Variants in NELFE observed in about 807,000 individuals in gnomAD.
NELFE encodes the protein negative elongation factor complex member E.
NELFE carries 26 observed loss-of-function variants against 55.5 expected under a neutral mutation model. The observed-to-expected ratio is 0.47, with a 90% CI of 0.34 to 0.65. The LOEUF (loss-of-function observed/expected upper bound fraction) is 0.65. NELFE is among the 30% of genes least tolerant of loss of function. The pLI is 0.01. For synonymous variants in NELFE, 162 were observed against 178.0 expected (o/e 0.91, Z 0.72); for missense variants, 403 against 506.9 (o/e 0.80, Z 1.97).
chr6:31,953,718 C>A lies in NELFE; in HGVS notation c.1045+11G>T, dbSNP rs1381085078. On this transcript the variant is annotated intron_variant, in intron 10 of 10. Coordinates refer to ENST00000375429, the MANE Select transcript of NELFE (RefSeq NM_002904.6). ...GGGGAGAGGATGGGAAAGGAAGAATCCCATTCTTACCGAGGGAGCCCCAGA... is the reference window on the plus strand; with the variant it reads ...GGGGAGAGGATGGGAAAGGAAGAATACCATTCTTACCGAGGGAGCCCCAGA... 1.9e-6 allele frequency: 3 copies of A among 1,603,752 alleles called. No individual in the cohort carries two copies. Among genetic ancestry groups the A allele is most frequent in the Non-Finnish European group, 1.7e-6 (2 of 1,171,602 alleles).
chr6:31,956,558 A>G (rs1452102603), intron 4 of NELFE, 135 bp downstream of exon 4: 41 of 954,924 alleles, frequency 4.3e-5, no homozygotes, highest in Non-Finnish European at 6.0e-5. Flanking sequence ...TAGTTTTTTC[A>G]TTTTATACAT....
intron 2 of NELFE, chr6:31,957,241 T>C (rs1041440852): frequency 1.1e-5 from 7 of 610,294 alleles, no homozygotes; most frequent in Middle Eastern, 2.5e-4. Flanking sequence ...GTTACATTTT[T>C]GAAGTTGAAG....
At chr6:31,952,893 C>A (rs1771852570) in intron 10 of NELFE, among the ~76,000 whole-genome samples, 1 of 152,132 alleles carries the variant, frequency 6.6e-6, no homozygotes, top group African/African-American at 2.4e-5. Flanking sequence ...GTAGCTTTGG[C>A]CCTCACCATT....
At chr6:31,957,127 G>T in intron 2 of NELFE, 117 bp from the exon 3 acceptor site, 1 of 843,716 alleles carries the variant, frequency 1.2e-6, no homozygotes, top group Non-Finnish European at 1.9e-6. Context: ...CCTCAGAGTG[G>T]TACACTGATG....
rs1771924073 is a variant in NELFE at position 31,954,140 on chromosome 6, A to G, written c.888-6T>C. On this transcript the variant is annotated splice_polypyrimidine_tract_variant and splice_region_variant and intron_variant, in intron 8 of 10. Transcript: ENST00000375429. The surrounding 1 kb of genome is among the most constrained non-coding windows in gnomAD (Gnocchi z 5.5). ...CATAGGTGACGAAGGCACAGCTGGGATAAGAGAAAACACGGTCAGTGGAGA... is the reference window on the plus strand; with the variant it reads ...CATAGGTGACGAAGGCACAGCTGGGGTAAGAGAAAACACGGTCAGTGGAGA... 6.2e-7 allele frequency: 1 copy of G among 1,614,110 alleles called. No homozygotes were observed. The highest frequency in any genetic ancestry group is 1.1e-5 in the South Asian group (1 of 91,082).
At chr6:31,957,247 T>A in intron 2 of NELFE, 1 of 610,232 alleles carries the variant, frequency 1.6e-6, no homozygotes, top group South Asian at 1.9e-5. Flanking sequence ...TTTTTGAAGT[T>A]GAAGACAAAT....
At chr6:31,958,582 C>A in intron 1 of NELFE, 128 bp from the exon 2 acceptor site, 1 of 788,968 alleles carries the variant, frequency 1.3e-6, no homozygotes, top group East Asian at 2.6e-5. Flanking sequence ...TTCCCTACCC[C>A]TTGCTTAAAC....
chr6:31,957,021 G>A lies in NELFE; in HGVS notation c.76-11C>T, dbSNP rs771813465. 1.9e-6 allele frequency: 3 copies of A among 1,591,112 alleles called. No individual in the cohort carries two copies. The highest frequency in any genetic ancestry group is 1.1e-5 in the South Asian group (1 of 89,608). The stretch of plus-strand genomic sequence containing the variant: ...CAGCAATGCCTTTTTCTGGGAACAA[G>A]GGTGAGAAGAGAGAGGTAAGTGAGG... On this transcript the variant is annotated splice_polypyrimidine_tract_variant and intron_variant, in intron 2 of 10. Transcript: ENST00000375429.
Position 31,953,896 on chromosome 6 carries a change from T to C in NELFE, c.943-65A>G, listed in dbSNP as rs1206888412. The C allele has an allele frequency of 6.9e-6, 10 of 1,449,042 alleles. No individual in the cohort carries two copies. In the African/African-American group the frequency reaches 9.8e-5, roughly 14 times the overall value. 89.8% of individuals were successfully genotyped at this position (1,449,042 alleles called of 1,614,324 possible). On this transcript the variant is annotated intron_variant, in intron 9 of 10. Coordinates refer to ENST00000375429, the MANE Select transcript of NELFE (RefSeq NM_002904.6). ...CATTACAGATAAACCAAAGAAGTTA[T>C]TCCAGGAGTTGCTATCCTAGGAGGA...
At chr6:31,952,432 AAGG>A (rs1175839779) in intron 10 of NELFE, 34 bp from the exon 11 acceptor site, 14 of 1,518,618 alleles carry the variant, frequency 9.2e-6, no homozygotes, top group Admixed American at 1.7e-5. Flanking sequence ...TTAAGGTCTA[AAGG>A]AGATCATAGA....
At chr6:31,958,497 C>T (rs756388237) in intron 1 of NELFE, 43 bp from the exon 2 acceptor site, 3 of 1,545,598 alleles carry the variant, frequency 1.9e-6, no homozygotes, top group Non-Finnish European at 1.8e-6. Flanking sequence ...TCCACTGTTA[C>T]CACCCGGGGT....
In NELFE at chr6:31,956,735, G is replaced by A; in HGVS notation, c.249C>T (p.Asn83=). 1 of 1,612,616 alleles carries A rather than the reference G, an allele frequency of 6.2e-7. No homozygotes were observed. Among genetic ancestry groups the A allele is most frequent in the Non-Finnish European group, 8.5e-7 (1 of 1,179,644 alleles). ...AISAIKAETK[N]SGFKRSRTLE... is the part of the protein sequence containing the mutation. ...GGGTTCGAGAACGCTTGAAGCCTGA[G>A]TTCTTGGTCTCAGCCTTGATGGCAC... is the stretch of plus-strand genomic sequence containing the variant. Residue 83 remains asparagine, a synonymous_variant, in exon 4 of 11, where the codon AAC becomes AAT. Coordinates refer to ENST00000375429, the MANE Select transcript of NELFE (RefSeq NM_002904.6).
In NELFE at chr6:31,954,663, T is replaced by TGTCTCGATCCCG. The variant is rs377559803; in HGVS notation, c.622_633dup (p.Asp211_Arg214dup). On this transcript the variant is annotated inframe_insertion, in exon 7 of 11. Coordinates refer to ENST00000375429, the MANE Select transcript of NELFE (RefSeq NM_002904.6). The surrounding 1 kb of genome is among the most constrained non-coding windows in gnomAD (Gnocchi z 5.5). ...CGATCCCTGTCCCGCTCTCTGTCTC[T>TGTCTCGATCCCG]GTCTCGATCCCGGTCTCGATCCCGC... 4.4e-6 allele frequency: 7 copies of TGTCTCGATCCCG among 1,599,348 alleles called. No homozygotes were observed. Among genetic ancestry groups the TGTCTCGATCCCG allele is most frequent in the East Asian group, 2.2e-5 (1 of 44,520 alleles).
In NELFE at chr6:31,954,223, G is replaced by A. The variant is rs1771928663; in HGVS notation, c.887+75C>T. The A allele has an allele frequency of 2.5e-6, 4 of 1,608,302 alleles. No individual in the cohort carries two copies. In the Admixed American group the frequency reaches 5.0e-5, roughly 20 times the overall value. On this transcript the variant is annotated intron_variant, in intron 8 of 10. Transcript: ENST00000375429. The surrounding 1 kb of genome is among the most constrained non-coding windows in gnomAD (Gnocchi z 5.5). ...AGTGATAATAGGCGGCTGCAGGGAG[G>A]GCAGCTTCTTCCCTCAGGTCTCACA...
intron 4 of NELFE, 79 bp downstream of exon 4, chr6:31,956,614 T>C: frequency 1.4e-6 from 2 of 1,450,608 alleles, no homozygotes; most frequent in South Asian, 1.3e-5. Flanking sequence ...AGTGCTTGAG[T>C]ATGCATATTT....
In NELFE at chr6:31,957,308, G is replaced by A. The variant is rs999231248; in HGVS notation, c.76-298C>T. On this transcript the variant is annotated intron_variant, in intron 2 of 10. Coordinates refer to ENST00000375429, the MANE Select transcript of NELFE (RefSeq NM_002904.6). ...GGATATAAGCTGCAAGTAAGTATAA[G>A]TTTATGTGCCTTTCCTGGAAGCTTC... The A allele has an allele frequency of 1.8e-5, 11 of 614,900 alleles. 1 individual carries two copies. Among genetic ancestry groups the A allele is most frequent in the African/African-American group, 1.4e-4 (8 of 55,238 alleles). The allele number at this position is 614,900 out of a possible 1,614,324, so 38.1% of individuals were successfully genotyped here. A position where few individuals can be genotyped will look rare whatever the true frequency, so the allele number is the denominator to read the frequency against.
intron 4 of NELFE, among the ~76,000 whole-genome samples, chr6:31,955,999 C>T (rs893152667): frequency 2.0e-4 from 30 of 151,846 alleles, no homozygotes; most frequent in Non-Finnish European, 3.7e-4. Context: ...GGCACAATCT[C>T]GACTCACTGC....
At chr6:31,952,952 A>C (rs1481053156) in intron 10 of NELFE, among the ~76,000 whole-genome samples, 2 of 151,634 alleles carry the variant, frequency 1.3e-5, no homozygotes, top group African/African-American at 4.9e-5. Flanking sequence ...TCCTCCCTCC[A>C]CCAGACATGT....
chr6:31,952,419 C>G (rs539427278), intron 10 of NELFE, 21 bp from the exon 11 acceptor site: 1 of 1,563,820 alleles, frequency 6.4e-7, no homozygotes, highest in Non-Finnish European at 8.8e-7. Flanking sequence ...AGGAGAGGAA[C>G]AGTTAAGGTC....
Sources: gnomAD v4.1 joint callset for allele counts (sites outside exome capture counted in the v4.1 genomes callset) on GRCh38, gnomAD v4.1.1 for gene constraint, Gnocchi (gnomAD v3.1) non-coding constraint, MANE v1.5 for transcripts, NCBI Gene and HGNC (gene_info 2026-07-23, HGNC 2026-07-21) for gene names.